Variants in DACH1 observed in about 807,000 individuals in gnomAD.
The protein encoded by DACH1 is dachshund homolog 1.
A neutral mutation model predicts 54.2 loss-of-function variants in DACH1; 12 were observed. The observed-to-expected ratio is 0.22, with a 90% CI of 0.14 to 0.36. The LOEUF is 0.36. Ranked by LOEUF, DACH1 falls within the 10% of genes least tolerant of loss-of-function variation. The pLI is 1.00. For synonymous variants in DACH1, 386 were observed against 366.2 expected (o/e 1.05, Z -0.62); for missense variants, 805 against 929.8 (o/e 0.87, Z 1.75).
chr13:71,567,934 C>A (rs1470534648), intron 4 of DACH1, among the ~76,000 whole-genome samples: 2 of 151,880 alleles, frequency 1.3e-5, no homozygotes, highest in Non-Finnish European at 2.9e-5. Flanking sequence ...TTTTGGGTTA[C>A]ATAATGAATG....
chr13:71,656,382 CT>C (rs1422453332), intron 2 of DACH1, among the ~76,000 whole-genome samples: 1 of 152,082 alleles, frequency 6.6e-6, no homozygotes, highest in East Asian at 1.9e-4. Context: ...CATTTTTCTT[CT>C]GCCTACTGAA....
At chr13:71,805,260 T>C (rs1012302215) in intron 1 of DACH1, among the ~76,000 whole-genome samples, 2 of 152,164 alleles carry the variant, frequency 1.3e-5, no homozygotes, top group Admixed American at 6.6e-5. Flanking sequence ...GAGGGAATCT[T>C]GATGGCTACT....
At chr13:71,619,880 T>C (rs528822553) in intron 3 of DACH1, among the ~76,000 whole-genome samples, 1 of 152,068 alleles carries the variant, frequency 6.6e-6, no homozygotes, top group African/African-American at 2.4e-5. Flanking sequence ...ACACTCATTT[T>C]GATACATGTA....
At chr13:71,510,699 A>G (rs2138256475) in intron 6 of DACH1, among the ~76,000 whole-genome samples, 1 of 152,098 alleles carries the variant, frequency 6.6e-6, no homozygotes, top group South Asian at 2.1e-4. Flanking sequence ...TTAAGGCTTG[A>G]TTCATGTAAA....
At chr13:71,668,415 T>A (rs1423483932) in intron 2 of DACH1, among the ~76,000 whole-genome samples, 6 of 152,092 alleles carry the variant, frequency 3.9e-5, no homozygotes, top group African/African-American at 1.4e-4. Flanking sequence ...TTATTGCATT[T>A]CTGAAATGAA....
chr13:71,670,205 T>C (rs1263085545), intron 2 of DACH1, among the ~76,000 whole-genome samples: 2 of 152,184 alleles, frequency 1.3e-5, no homozygotes, highest in East Asian at 3.9e-4. Flanking sequence ...ACTAATTCCT[T>C]AATGAAGTGC....
At chr13:71,845,149 G>A (rs1285323717) in intron 1 of DACH1, among the ~76,000 whole-genome samples, 1 of 152,090 alleles carries the variant, frequency 6.6e-6, no homozygotes, top group Non-Finnish European at 1.5e-5. Context: ...AAATGTTTGA[G>A]ATGATGGATA....
intron 1 of DACH1, among the ~76,000 whole-genome samples, chr13:71,798,360 A>ATATATATATAGGT (rs1887150612): frequency 8.5e-6 from 1 of 118,202 alleles, no homozygotes; most frequent in African/African-American, 3.1e-5. Flanking sequence ...ATATATATAT[A>ATATATATATAGGT]TATCCATTAC....
chr13:71,738,497 C>T (rs557688852), intron 1 of DACH1, among the ~76,000 whole-genome samples: 12 of 151,760 alleles, frequency 7.9e-5, no homozygotes, highest in Admixed American at 3.9e-4. Flanking sequence ...CTTGGGAGGC[C>T]GAGGTGGGAG....
chr13:71,768,444 A>G (rs1885725886), intron 1 of DACH1, among the ~76,000 whole-genome samples: 1 of 151,986 alleles, frequency 6.6e-6, no homozygotes, highest in South Asian at 2.1e-4. Context: ...TCTCTGGCCT[A>G]TGTCAGAAGG....
intron 1 of DACH1, among the ~76,000 whole-genome samples, chr13:71,705,289 T>C (rs1882379440): frequency 6.6e-6 from 1 of 152,198 alleles, no homozygotes; most frequent in African/African-American, 2.4e-5. Context: ...TCAATGACTC[T>C]GGGTTGGGAA....
At chr13:71,792,652 T>C (rs1335762050) in intron 1 of DACH1, among the ~76,000 whole-genome samples, 1 of 152,168 alleles carries the variant, frequency 6.6e-6, no homozygotes, top group African/African-American at 2.4e-5. Context: ...TCACTGTATG[T>C]TCAATATCAC....
chr13:71,505,685 TA>T (rs762709508), intron 6 of DACH1, among the ~76,000 whole-genome samples: 82 of 152,174 alleles, frequency 5.4e-4, no homozygotes, highest in Admixed American at 2.2e-3. Flanking sequence ...GGCAAATAAA[TA>T]AGTTTATTTT....
chr13:71,815,397 A>ATT (rs1284250411), intron 1 of DACH1, among the ~76,000 whole-genome samples: 3 of 152,150 alleles, frequency 2.0e-5, no homozygotes, highest in Non-Finnish European at 4.4e-5. Context: ...CCATTGCCTA[A>ATT]AATAACACTG....
chr13:71,447,388 G>T (rs1053181667), intron 10 of DACH1, among the ~76,000 whole-genome samples: 1 of 152,022 alleles, frequency 6.6e-6, no homozygotes, highest in Non-Finnish European at 1.5e-5. Context: ...TTAATGTTTG[G>T]TTTAATATTT....
At chr13:71,707,559 G>A (rs529560254) in intron 1 of DACH1, among the ~76,000 whole-genome samples, 40 of 152,212 alleles carry the variant, frequency 2.6e-4, no homozygotes, top group African/African-American at 8.7e-4. Flanking sequence ...GAGAACAGAA[G>A]CAGAACAAAG....
intron 4 of DACH1, 33 bp from the exon 5 acceptor site, chr13:71,559,988 A>T: frequency 6.8e-7 from 1 of 1,468,998 alleles, no homozygotes; most frequent in Non-Finnish European, 9.0e-7. Context: ...GAGGGTAGAA[A>T]AGATGTTAAA....
At chr13:71,538,349 G>C (rs1039962458) in intron 6 of DACH1, among the ~76,000 whole-genome samples, 1 of 151,634 alleles carries the variant, frequency 6.6e-6, no homozygotes, top group Non-Finnish European at 1.5e-5. Context: ...TCTATAATGG[G>C]AGTGTTTCTG....
intron 1 of DACH1, among the ~76,000 whole-genome samples, chr13:71,848,133 C>T (rs943456510): frequency 3.3e-5 from 5 of 152,136 alleles, no homozygotes; most frequent in Middle Eastern, 3.4e-3. Context: ...CAATAATACC[C>T]GCTTTAATTT....
Sources: allele counts gnomAD v4.1 joint callset (sites outside exome capture counted in the v4.1 genomes callset), GRCh38; gene constraint gnomAD v4.1.1; transcripts MANE v1.5; gene names NCBI Gene and HGNC (gene_info 2026-07-23, HGNC 2026-07-21).